COX7B2: variants seen among roughly 807,000 people sequenced by gnomAD.
COX7B2 encodes the protein cytochrome c oxidase subunit 7B2, also known as cytochrome c oxidase subunit 7B2, mitochondrial.
For synonymous variants in COX7B2, 37 were observed against 32.1 expected (o/e 1.15, Z -0.51); for missense variants, 109 against 95.9 (o/e 1.14, Z -0.57).
At chr4:46,844,779 C>T (rs1577647794) in intron 2 of COX7B2, among the ~76,000 whole-genome samples, 181 bp downstream of exon 2, 1 of 149,804 alleles carries the variant, frequency 6.7e-6, no homozygotes, top group Non-Finnish European at 1.5e-5. Context: ...TGACATCTGT[C>T]TCTTTGTGTA....
intron 1 of COX7B2, among the ~76,000 whole-genome samples, chr4:46,893,318 C>A (rs1451013439): frequency 6.6e-6 from 1 of 152,134 alleles, no homozygotes; most frequent in Non-Finnish European, 1.5e-5. Context: ...AAGTGGTCTG[C>A]TTTATACCAG....
chr4:46,799,080 G>A (rs1244310161), intron 2 of COX7B2, among the ~76,000 whole-genome samples: 1 of 152,084 alleles, frequency 6.6e-6, no homozygotes, highest in African/African-American at 2.4e-5. Flanking sequence ...CAGAAGCTCT[G>A]GTTAGCTGTA....
intron 2 of COX7B2, among the ~76,000 whole-genome samples, chr4:46,759,796 T>TAAG (rs1049904687): frequency 4.6e-5 from 6 of 130,904 alleles, no homozygotes; most frequent in African/African-American, 1.6e-4. Flanking sequence ...ATAAGTTATA[T>TAAG]AAGTCATATC....
chr4:46,803,224 G>A (rs952812606), intron 2 of COX7B2, among the ~76,000 whole-genome samples: 1 of 152,118 alleles, frequency 6.6e-6, no homozygotes, highest in Non-Finnish European at 1.5e-5. Context: ...CCTGAAATCA[G>A]ATCTCAGTAG....
chr4:46,908,216 A>T (rs1026196098), intron 1 of COX7B2, among the ~76,000 whole-genome samples: 1 of 152,066 alleles, frequency 6.6e-6, no homozygotes. Flanking sequence ...TGCAAATACC[A>T]CTGGCCATCC....
rs184579092 is a variant in COX7B2 at position 46,778,767 on chromosome 4, C to A, written c.-49-43526G>T. Among the ~76,000 whole-genome samples the A allele has an allele frequency of 2.0e-5, 3 of 152,216 alleles. No individual in the cohort carries two copies. In the East Asian group the frequency reaches 5.8e-4, roughly 29 times the overall value. Reference sequence around the variant, plus strand: ...TTAAAGTATTTGCTAGTATTTTTAGCATCTGTTACTTCAGTGAGTAGAATA... The same window carrying A: ...TTAAAGTATTTGCTAGTATTTTTAGAATCTGTTACTTCAGTGAGTAGAATA... On this transcript the variant is annotated intron_variant, in intron 2 of 2. Transcript: ENST00000355591.
chr4:46,735,442 A>G (rs1441146271), intron 2 of COX7B2, among the ~76,000 whole-genome samples: 1 of 152,164 alleles, frequency 6.6e-6, no homozygotes, highest in Non-Finnish European at 1.5e-5. Context: ...TTGCCTCAAC[A>G]TTATTACATG....
At chr4:46,861,496 G>A (rs1331017309) in intron 1 of COX7B2, among the ~76,000 whole-genome samples, 1 of 152,004 alleles carries the variant, frequency 6.6e-6, no homozygotes, top group East Asian at 1.9e-4. Flanking sequence ...GTGCCTTTTT[G>A]GCAATTAAAT....
At chr4:46,835,141 G>T (rs1381611531) in intron 2 of COX7B2, among the ~76,000 whole-genome samples, 1 of 152,082 alleles carries the variant, frequency 6.6e-6, no homozygotes, top group Admixed American at 6.6e-5. Flanking sequence ...TGTAAGAAAA[G>T]GGGGATTATT....
chr4:46,862,813 C>A (rs987467981), intron 1 of COX7B2, among the ~76,000 whole-genome samples: 1 of 152,072 alleles, frequency 6.6e-6, no homozygotes, highest in African/African-American at 2.4e-5. Flanking sequence ...TATAAGTAAT[C>A]TTGCTAAACT....
At chr4:46,888,999 A>G (rs976404999) in intron 1 of COX7B2, among the ~76,000 whole-genome samples, 1 of 152,220 alleles carries the variant, frequency 6.6e-6, no homozygotes, top group Non-Finnish European at 1.5e-5. Flanking sequence ...TTGTAACACA[A>G]AAGTTAAATG....
chr4:46,891,959 C>T (rs1207762425), intron 1 of COX7B2, among the ~76,000 whole-genome samples: 1 of 152,192 alleles, frequency 6.6e-6, no homozygotes, highest in Non-Finnish European at 1.5e-5. Context: ...TATTTCCTTA[C>T]CTTTTCACTC....
At chr4:46,745,301 A>G (rs1460034125) in intron 2 of COX7B2, among the ~76,000 whole-genome samples, 1 of 152,172 alleles carries the variant, frequency 6.6e-6, no homozygotes, top group Non-Finnish European at 1.5e-5. Context: ...TCTTTTTATG[A>G]ATAAGGCTCT....
At chr4:46,869,625 A>G (rs559034438) in intron 1 of COX7B2, among the ~76,000 whole-genome samples, 1 of 152,288 alleles carries the variant, frequency 6.6e-6, no homozygotes, top group African/African-American at 2.4e-5. Context: ...TCCTTTGCTT[A>G]GCAAGCTTAA....
At chr4:46,852,940 G>A (rs996839535) in intron 1 of COX7B2, among the ~76,000 whole-genome samples, 2 of 152,122 alleles carry the variant, frequency 1.3e-5, no homozygotes, top group South Asian at 2.1e-4. Context: ...GGCACAAGGC[G>A]GTTGTGGTGT....
intron 2 of COX7B2, among the ~76,000 whole-genome samples, chr4:46,769,281 C>T (rs1026717395): frequency 6.6e-6 from 1 of 152,066 alleles, no homozygotes; most frequent in South Asian, 2.1e-4. Flanking sequence ...AAAATAATTA[C>T]AGGACAATAT....
At chr4:46,752,855 A>C (rs1333353337) in intron 2 of COX7B2, among the ~76,000 whole-genome samples, 1 of 152,186 alleles carries the variant, frequency 6.6e-6, no homozygotes, top group East Asian at 1.9e-4. Context: ...ATCGATGTTC[A>C]TCAGCGATAT....
intron 2 of COX7B2, among the ~76,000 whole-genome samples, chr4:46,822,854 A>G (rs1414717628): frequency 1.3e-5 from 2 of 152,242 alleles, no homozygotes; most frequent in Non-Finnish European, 2.9e-5. Flanking sequence ...AAATAGCTAG[A>G]AAGAACTTCA....
chr4:46,832,391 G>A (rs1182304457), intron 2 of COX7B2, among the ~76,000 whole-genome samples: 1 of 152,104 alleles, frequency 6.6e-6, no homozygotes, highest in Non-Finnish European at 1.5e-5. Flanking sequence ...TAAAGTCAGT[G>A]AGACCAAGAA....
Sources: gnomAD v4.1 joint callset for allele counts (sites outside exome capture counted in the v4.1 genomes callset) on GRCh38, gnomAD v4.1.1 for gene constraint, MANE v1.5 for transcripts, NCBI Gene and HGNC (gene_info 2026-07-23, HGNC 2026-07-21) for gene names.